PARD3B: variants seen among roughly 807,000 people sequenced by gnomAD.
PARD3B encodes the protein partitioning defective 3 homolog B.
In PARD3B, 103 loss-of-function variants were observed where a neutral mutation model predicts 130.2. That is an observed-to-expected ratio of 0.79 (90% CI 0.67 to 0.93). PARD3B has a LOEUF of 0.93. Ranked by LOEUF, PARD3B falls within the 40% of genes least tolerant of loss-of-function variation. PARD3B has a pLI of 0.00. For synonymous variants in PARD3B, 583 were observed against 553.2 expected (o/e 1.05, Z -0.76); for missense variants, 1,609 against 1,499.2 (o/e 1.07, Z -1.21).
Position 204,829,725 on chromosome 2 carries a change from C to T in PARD3B, c.223-135427C>T, listed in dbSNP as rs532918429. On this transcript the variant is annotated intron_variant, in intron 2 of 22. Coordinates refer to ENST00000406610, the MANE Select transcript of PARD3B (RefSeq NM_001302769.2). ...TTAAAAATGTGTAGCACTGGCCGGG[C>T]GCGGTGGCTCACGCCTGTAATCCCA... Among the ~76,000 whole-genome samples the T allele has an allele frequency of 1.1e-4, 16 of 152,074 alleles. No homozygotes were observed. In the East Asian group the frequency reaches 1.2e-3, roughly 11 times the overall value.
At chr2:204,989,737 T>G (rs116752125) in intron 3 of PARD3B, among the ~76,000 whole-genome samples, 6,683 of 152,262 alleles carry the variant, frequency 0.044, 194 homozygotes, top group Non-Finnish European at 0.064. Context: ...TACCTTTTTC[T>G]CCTTAATATT....
chr2:204,982,592 T>C (rs1268718535), intron 3 of PARD3B, among the ~76,000 whole-genome samples: 1 of 152,244 alleles, frequency 6.6e-6, no homozygotes, highest in Admixed American at 6.5e-5. Flanking sequence ...AAGTGCTGAC[T>C]CATGTTTCAC....
rs367558462 is a variant in PARD3B, at chr2:205,004,261, T to G, written c.394+38938T>G. On this transcript the variant is annotated intron_variant, in intron 3 of 22. Transcript: ENST00000406610. The stretch of plus-strand genomic sequence containing the variant: ...GAATATCTAATCACTCAGTGCATTG[T>G]CAGTGCAGATGATGAGAAATATCCT... Among the ~76,000 whole-genome samples, 3 of 152,332 alleles carry G rather than the reference T, an allele frequency of 2.0e-5. No homozygotes were observed. The East Asian group carries it at 5.8e-4, about 29-fold the overall frequency.
At chr2:205,202,043 A>C (rs2037020408) in intron 15 of PARD3B, among the ~76,000 whole-genome samples, 1 of 152,166 alleles carries the variant, frequency 6.6e-6, no homozygotes, top group African/African-American at 2.4e-5. Context: ...TAGTGGTAAA[A>C]GACTTCAGAT....
rs986893515 is a variant in PARD3B, at chr2:205,013,006, T to C, written c.395-34575T>C. Among the ~76,000 whole-genome samples, 6 of 152,370 alleles carry C rather than the reference T, an allele frequency of 3.9e-5. No individual in the cohort carries two copies. In the East Asian group the frequency reaches 1.2e-3, roughly 29 times the overall value. On this transcript the variant is annotated intron_variant, in intron 3 of 22. Coordinates refer to ENST00000406610, the MANE Select transcript of PARD3B (RefSeq NM_001302769.2). ...GAATAAGATATGTTTAAAGTTTTCATGTTTTTGCTGATAGACTTAAAATCT... is the reference window on the plus strand; with the variant it reads ...GAATAAGATATGTTTAAAGTTTTCACGTTTTTGCTGATAGACTTAAAATCT...
rs1228992438 is a variant in PARD3B at position 205,263,850 on chromosome 2, G to A, written c.2185+18028G>A. Among the ~76,000 whole-genome samples, 3 of 151,062 alleles carry A rather than the reference G, an allele frequency of 2.0e-5. No individual in the cohort carries two copies. Among genetic ancestry groups the A allele is most frequent in the Non-Finnish European group, 4.4e-5 (3 of 67,604 alleles). On this transcript the variant is annotated intron_variant, in intron 16 of 22. Coordinates refer to ENST00000406610, the MANE Select transcript of PARD3B (RefSeq NM_001302769.2). This position sits in a 1 kb window ranked among gnomAD's most constrained non-coding sequence, Gnocchi z 4.0. ...TGTATACAGAATATATAAAAGTTCC[G>A]AACCCAAGGAATTGCCAAAATTTAA...
intron 1 of PARD3B, among the ~76,000 whole-genome samples, chr2:204,644,484 A>G (rs1378184154): frequency 1.3e-5 from 2 of 152,172 alleles, no homozygotes; most frequent in Non-Finnish European, 2.9e-5. Context: ...ACATATTATT[A>G]CTATGTTAGT....
At chr2:204,727,518 C>T (rs1364366551) in intron 2 of PARD3B, among the ~76,000 whole-genome samples, 1 of 152,060 alleles carries the variant, frequency 6.6e-6, no homozygotes, top group African/African-American at 2.4e-5. Flanking sequence ...TGACAAGGCT[C>T]ATAGATTTGG....
At chr2:205,560,622 G>C (rs1234949539) in intron 22 of PARD3B, among the ~76,000 whole-genome samples, 1 of 152,216 alleles carries the variant, frequency 6.6e-6, no homozygotes, top group Non-Finnish European at 1.5e-5. Flanking sequence ...CCTGTGGAGA[G>C]AAAGACTCCC....
chr2:204,928,054 T>C (rs922042380), intron 2 of PARD3B, among the ~76,000 whole-genome samples: 2 of 152,082 alleles, frequency 1.3e-5, no homozygotes, highest in African/African-American at 4.8e-5. Flanking sequence ...GCAGTTCTGG[T>C]TTTGGCTGGG....
At chr2:205,034,272 A>G (rs978516923) in intron 3 of PARD3B, among the ~76,000 whole-genome samples, 4 of 152,200 alleles carry the variant, frequency 2.6e-5, no homozygotes, top group Non-Finnish European at 4.4e-5. Context: ...GATTGACTAA[A>G]GGAAGTGGCT....
At chr2:205,514,314 T>C (rs779903796) in intron 21 of PARD3B, among the ~76,000 whole-genome samples, 4 of 152,104 alleles carry the variant, frequency 2.6e-5, no homozygotes, top group Non-Finnish European at 4.4e-5. Flanking sequence ...TCACATCCAA[T>C]GCAGGAACAC....
At chr2:205,001,900 C>A (rs1360742809) in intron 3 of PARD3B, among the ~76,000 whole-genome samples, 1 of 152,018 alleles carries the variant, frequency 6.6e-6, no homozygotes, top group Non-Finnish European at 1.5e-5. Flanking sequence ...GATGCTGTCA[C>A]CTAATATATC....
chr2:204,931,540 T>A (rs564328216), intron 2 of PARD3B, among the ~76,000 whole-genome samples: 1 of 152,174 alleles, frequency 6.6e-6, no homozygotes, highest in South Asian at 2.1e-4. Context: ...ATAGCCATTG[T>A]CCTTGTAACA....
At chr2:204,908,967 G>A (rs1439274827) in intron 2 of PARD3B, among the ~76,000 whole-genome samples, 1 of 152,104 alleles carries the variant, frequency 6.6e-6, no homozygotes, top group Non-Finnish European at 1.5e-5. Context: ...AAGTCTCAGT[G>A]ATAAAAACAT....
chr2:204,955,912 G>T (rs1445388288), intron 2 of PARD3B, among the ~76,000 whole-genome samples: 1 of 152,152 alleles, frequency 6.6e-6, no homozygotes, highest in East Asian at 1.9e-4. Flanking sequence ...GGAGGGCCTG[G>T]TGCAGATAAT....
intron 10 of PARD3B, among the ~76,000 whole-genome samples, chr2:205,127,077 A>T (rs1349894080): frequency 6.6e-6 from 1 of 151,964 alleles, no homozygotes; most frequent in Admixed American, 6.6e-5. Context: ...AGGCAGGTGG[A>T]TCACCTGAGG....
intron 1 of PARD3B, among the ~76,000 whole-genome samples, chr2:204,561,912 A>G (rs780468499): frequency 3.3e-5 from 5 of 152,058 alleles, no homozygotes; most frequent in Non-Finnish European, 5.9e-5. Flanking sequence ...CCCTGTATTA[A>G]GGTCACTCCT....
At chr2:205,130,163 G>T (rs1275127353) in intron 10 of PARD3B, among the ~76,000 whole-genome samples, 1 of 152,184 alleles carries the variant, frequency 6.6e-6, no homozygotes, top group East Asian at 1.9e-4. Context: ...CCCCTGACTG[G>T]GTGAGAGTTT....
Sources: gnomAD v4.1 joint callset for allele counts (sites outside exome capture counted in the v4.1 genomes callset) on GRCh38, gnomAD v4.1.1 for gene constraint, Gnocchi (gnomAD v3.1) non-coding constraint, MANE v1.5 for transcripts, NCBI Gene and HGNC (gene_info 2026-07-23, HGNC 2026-07-21) for gene names.